The following DRGX variants were observed in gnomAD, a reference collection of about 807,000 sequenced individuals.
The protein encoded by DRGX is dorsal root ganglia homeobox protein.
DRGX carries 21 observed loss-of-function variants against 28.6 expected under a neutral mutation model. The observed-to-expected ratio is 0.73, with a 90% CI of 0.52 to 1.06. The LOEUF is 1.06. DRGX is among the 50% of genes least tolerant of loss of function. The pLI, the probability that DRGX is intolerant of heterozygous loss-of-function variation, is 0.00. For missense variants in DRGX, 354 were observed against 343.9 expected (o/e 1.03, Z -0.23); for synonymous variants, 136 against 139.1 (o/e 0.98, Z 0.16).
intron 6 of DRGX, among the ~76,000 whole-genome samples, chr10:49,374,178 C>T (rs983892435): frequency 2.4e-4 from 37 of 152,120 alleles, no homozygotes; most frequent in Admixed American, 2.4e-3. Context: ...TGTCTTCTCT[C>T]ATTCAGACGA....
intron 2 of DRGX, 68 bp downstream of exon 2, chr10:49,395,339 G>C: frequency 6.5e-7 from 1 of 1,540,094 alleles, no homozygotes; most frequent in African/African-American, 1.4e-5. Flanking sequence ...CACCAGCCCT[G>C]CTGCCGCTCC....
Position 49,386,676 on chromosome 10 carries a change from T to C in DRGX, c.413+4A>G, listed in dbSNP as rs1849842855. ...CCACCGGGCCCAGAGACCCACAGCC[T>C]CACCTCTGCTGGGCCTCCAGCGCCT... is the stretch of plus-strand genomic sequence containing the variant. On this transcript the variant is annotated splice_donor_region_variant and intron_variant, in intron 5 of 6. Transcript: ENST00000374139. 6.3e-7 allele frequency: 1 copy of C among 1,575,108 alleles called. No homozygotes were observed.
chr10:49,387,864 C>T (rs1051226087), intron 4 of DRGX, among the ~76,000 whole-genome samples: 1 of 152,098 alleles, frequency 6.6e-6, no homozygotes. Flanking sequence ...CTAAGGCTAT[C>T]CAGGTGGTAA....
At chr10:49,384,472 A>G (rs1401697141) in intron 6 of DRGX, among the ~76,000 whole-genome samples, 2 of 152,146 alleles carry the variant, frequency 1.3e-5, no homozygotes, top group African/African-American at 4.8e-5. Context: ...GCACCTCCCA[A>G]GATCCGACAA....
chr10:49,391,288 G>T, intron 2 of DRGX, 27 bp from the exon 3 acceptor site: 7 of 1,597,402 alleles, frequency 4.4e-6, no homozygotes, highest in Non-Finnish European at 5.1e-6. Flanking sequence ...GATCAACCTG[G>T]GCAGGAAGGG....
chr10:49,379,423 T>A (rs995283630), intron 6 of DRGX, among the ~76,000 whole-genome samples: 1 of 152,218 alleles, frequency 6.6e-6, no homozygotes. Flanking sequence ...AAATTGTTTT[T>A]TAAATTTTTT....
At chr10:49,369,760 A>C (rs1849634775) in intron 6 of DRGX, among the ~76,000 whole-genome samples, 1 of 151,254 alleles carries the variant, frequency 6.6e-6, no homozygotes, top group South Asian at 2.1e-4. Flanking sequence ...TACCATAATC[A>C]AAAAGAAAAT....
chr10:49,392,503 A>G (rs986477757), intron 2 of DRGX, among the ~76,000 whole-genome samples: 11 of 152,260 alleles, frequency 7.2e-5, no homozygotes, highest in African/African-American at 2.7e-4. Context: ...ATGACCTCAA[A>G]GCAGTCTTAT....
chr10:49,377,667 A>G (rs556906366), intron 6 of DRGX, among the ~76,000 whole-genome samples: 1 of 152,360 alleles, frequency 6.6e-6, no homozygotes, highest in Admixed American at 6.5e-5. Flanking sequence ...CCAGCCTCCC[A>G]GCATCTCTGT....
In DRGX at chr10:49,370,948, G is replaced by T. The variant is rs534800698; in HGVS notation, c.527-4567C>A. Among the ~76,000 whole-genome samples the T allele has an allele frequency of 1.1e-3, 161 of 152,272 alleles. 2 individuals carry two copies. The highest frequency in any genetic ancestry group is 2.1e-3 in the South Asian group (10 of 4,818). On this transcript the variant is annotated intron_variant, in intron 6 of 6. Transcript: ENST00000374139. Reference sequence around the variant, plus strand: ...AGGGAGGGTAAAGTCCTTCTCTCTTGTGTGATGGTCACACCCTGCCTTATG... The same window carrying T: ...AGGGAGGGTAAAGTCCTTCTCTCTTTTGTGATGGTCACACCCTGCCTTATG...
intron 6 of DRGX, among the ~76,000 whole-genome samples, chr10:49,379,803 G>A (rs1227902992): frequency 6.6e-6 from 1 of 152,242 alleles, no homozygotes; most frequent in African/African-American, 2.4e-5. Flanking sequence ...TTGCATGCCT[G>A]CACCACGCGG....
intron 6 of DRGX, among the ~76,000 whole-genome samples, chr10:49,368,784 T>C (rs898270006): frequency 6.6e-6 from 1 of 152,274 alleles, no homozygotes; most frequent in African/African-American, 2.4e-5. Flanking sequence ...ATTTTTCTTG[T>C]TTTTCTACAA....
intron 6 of DRGX, among the ~76,000 whole-genome samples, chr10:49,379,076 G>T (rs778935398): frequency 3.9e-5 from 6 of 152,128 alleles, no homozygotes; most frequent in Admixed American, 6.5e-5. Flanking sequence ...TCAGATTTGG[G>T]ATGCTCAACC....
chr10:49,386,793 T>C lies in DRGX; in HGVS notation c.300A>G (p.Pro100=). 6.2e-7 allele frequency: 1 copy of C among 1,608,996 alleles called. No homozygotes were observed. The highest frequency in any genetic ancestry group is 1.1e-5 in the South Asian group (1 of 90,244). The change falls in exon 5 of 7, where the codon CCA becomes CCG. Residue 100 remains proline (P), a synonymous_variant. Coordinates refer to ENST00000374139, the MANE Select transcript of DRGX (RefSeq NM_001276451.2). ...CCTCTGCCATGGGCTCCTTGGCTCC[T>C]GGCTCCTGGTCTGAGGCCCCTCTCT... The part of the protein sequence containing the change: ...KTERGASDQE[P]GAKEPMAEVT...
chr10:49,371,193 CA>C (rs1420095681), intron 6 of DRGX, among the ~76,000 whole-genome samples: 1 of 152,170 alleles, frequency 6.6e-6, no homozygotes, highest in Non-Finnish European at 1.5e-5. Context: ...CTGACAGTAT[CA>C]ATATGCCGCC....
chr10:49,389,992 T>C, intron 4 of DRGX, 141 bp downstream of exon 4: 2 of 681,868 alleles, frequency 2.9e-6, no homozygotes, highest in Non-Finnish European at 4.8e-6. Context: ...ATTATGTTGA[T>C]GTTATTAAAG....
chr10:49,395,576 C>T (rs2132490370), intron 1 of DRGX, 55 bp from the exon 2 acceptor site: 2 of 1,105,444 alleles, frequency 1.8e-6, no homozygotes, highest in East Asian at 2.6e-5. Flanking sequence ...CGCTCCCGCC[C>T]AGCCCTAGGG....
intron 6 of DRGX, among the ~76,000 whole-genome samples, chr10:49,378,868 T>C (rs1352782202): frequency 6.6e-6 from 1 of 152,168 alleles, no homozygotes; most frequent in Non-Finnish European, 1.5e-5. Context: ...TGTGTGTGTG[T>C]ATATGCATGT....
chr10:49,388,540 C>G (rs987899729), intron 4 of DRGX, among the ~76,000 whole-genome samples: 5 of 152,212 alleles, frequency 3.3e-5, no homozygotes, highest in African/African-American at 9.6e-5. Flanking sequence ...TATCTATATT[C>G]TAAATTTAGG....
Sources: allele counts gnomAD v4.1 joint callset (sites outside exome capture counted in the v4.1 genomes callset), GRCh38; gene constraint gnomAD v4.1.1; transcripts MANE v1.5; gene names NCBI Gene and HGNC (gene_info 2026-07-23, HGNC 2026-07-21).